SH3GLB1: variants seen among roughly 807,000 people sequenced by gnomAD.
The protein encoded by SH3GLB1 is endophilin-B1.
In SH3GLB1, 17 loss-of-function variants were observed where a neutral mutation model predicts 42.0. That is an observed-to-expected ratio of 0.40 (90% confidence interval 0.28 to 0.61). The LOEUF (loss-of-function observed/expected upper bound fraction) is 0.61, where lower values mean the gene tolerates loss of function less well. Among genes scored for constraint, SH3GLB1 ranks in the 20% least tolerant of loss-of-function variants. The probability of loss-of-function intolerance (pLI) is 0.36; values close to 1 mark genes in which losing one functional copy is unlikely to be tolerated. For missense variants in SH3GLB1, 355 were observed against 426.3 expected (o/e 0.83, Z 1.47); for synonymous variants, 132 against 146.6 (o/e 0.90, Z 0.72).
At chr1:86,707,082 A>G (rs1190091132) in intron 1 of SH3GLB1, among the ~76,000 whole-genome samples, 4 of 152,234 alleles carry the variant, frequency 2.6e-5, no homozygotes, top group Non-Finnish European at 4.4e-5. Context: ...TGAAGCTTAC[A>G]TTGTAGCGGA....
At chr1:86,707,514 T>C (rs1428880731) in intron 1 of SH3GLB1, among the ~76,000 whole-genome samples, 2 of 152,208 alleles carry the variant, frequency 1.3e-5, no homozygotes, top group Non-Finnish European at 2.9e-5. Context: ...GGTTTTGGCT[T>C]GAGCCGTTTA....
chr1:86,718,088 G>A (rs1294311922), intron 2 of SH3GLB1, among the ~76,000 whole-genome samples: 2 of 150,240 alleles, frequency 1.3e-5, no homozygotes, highest in African/African-American at 4.9e-5. Context: ...CACCTGGGCT[G>A]GAGTGCAGTG....
At chr1:86,733,258 A>G (rs889629122) in intron 5 of SH3GLB1, among the ~76,000 whole-genome samples, 10 of 152,160 alleles carry the variant, frequency 6.6e-5, no homozygotes, top group African/African-American at 2.4e-4. Flanking sequence ...CTAGAGGTCA[A>G]TTATTAGTCC....
chr1:86,725,787 C>A (rs575003077), intron 5 of SH3GLB1, among the ~76,000 whole-genome samples: 1 of 152,080 alleles, frequency 6.6e-6, no homozygotes, highest in African/African-American at 2.4e-5. Flanking sequence ...TACGAGACTA[C>A]CCTAATACCT....
chr1:86,709,950 C>T (rs956876848), intron 1 of SH3GLB1, among the ~76,000 whole-genome samples: 3 of 152,204 alleles, frequency 2.0e-5, no homozygotes, highest in Non-Finnish European at 4.4e-5. Flanking sequence ...GGCCAAACAA[C>T]TCTCTCAAGC....
Position 86,747,295 on chromosome 1 carries a change from T to A in SH3GLB1, c.*4060T>A, listed in dbSNP as rs188996159. The A allele has an allele frequency of 1.3e-5, 2 of 152,716 alleles. No individual in the cohort carries two copies. The highest frequency in any genetic ancestry group is 1.3e-4 in the Admixed American group (2 of 15,300). The allele number at this position is 152,716 out of a possible 1,614,324, so 9.5% of individuals were successfully genotyped here. ...AAATTTTTGTTGAATGAAAGAAAAA[T>A]GCAAATTTATAAGCCTTTTCAGAGA... On this transcript the variant is annotated 3_prime_UTR_variant, in exon 9 of 9. Coordinates refer to ENST00000370558, the MANE Select transcript of SH3GLB1 (RefSeq NM_016009.5).
intron 1 of SH3GLB1, among the ~76,000 whole-genome samples, chr1:86,713,733 C>T (rs975673167): frequency 6.6e-6 from 1 of 152,192 alleles, no homozygotes; most frequent in African/African-American, 2.4e-5. Flanking sequence ...CTCCTGCTCT[C>T]CCTCTTCCTC....
chr1:86,733,057 T>G (rs753049592), intron 5 of SH3GLB1, among the ~76,000 whole-genome samples: 8 of 152,182 alleles, frequency 5.3e-5, no homozygotes, highest in African/African-American at 1.4e-4. Flanking sequence ...GTGATTGGTT[T>G]TCCTTAGTGC....
chr1:86,729,993 T>G (rs1278368064), intron 5 of SH3GLB1: 2 of 1,235,760 alleles, frequency 1.6e-6, no homozygotes, highest in Non-Finnish European at 2.3e-6. Flanking sequence ...AGTATGCCAT[T>G]TAAACAAATA....
At chr1:86,705,409 GT>G (rs752407934) in intron 1 of SH3GLB1, among the ~76,000 whole-genome samples, 98 of 152,230 alleles carry the variant, frequency 6.4e-4, no homozygotes, top group Non-Finnish European at 5.7e-4. Context: ...CAAGAAGGGA[GT>G]TTCCTTTTCC....
chr1:86,705,099 G>A (rs72959592), intron 1 of SH3GLB1, 128 bp downstream of exon 1: 8,499 of 594,374 alleles, frequency 0.014, 138 homozygotes, highest in African/African-American at 0.034. Flanking sequence ...AGAGGCCTGG[G>A]AGATGGGCGC....
At chr1:86,719,093 G>A (rs1444896256) in intron 2 of SH3GLB1, among the ~76,000 whole-genome samples, 1 of 152,154 alleles carries the variant, frequency 6.6e-6, no homozygotes, top group Non-Finnish European at 1.5e-5. Flanking sequence ...GTTCTTCCAG[G>A]TACTTTATAT....
intron 1 of SH3GLB1, among the ~76,000 whole-genome samples, chr1:86,712,520 C>G (rs899847208): frequency 1.3e-5 from 2 of 152,142 alleles, no homozygotes; most frequent in Non-Finnish European, 2.9e-5. Flanking sequence ...ATTATTCTTA[C>G]TTTATTTTAA....
At chr1:86,719,406 A>G in intron 2 of SH3GLB1, 101 bp from the exon 3 acceptor site, 2 of 898,878 alleles carry the variant, frequency 2.2e-6, no homozygotes, top group East Asian at 2.9e-5. Flanking sequence ...AATGAATGCT[A>G]ACTTTAGGAG....
At chr1:86,722,497 G>T (rs989444916) in intron 3 of SH3GLB1, 43 bp from the exon 4 acceptor site, 2 of 1,521,326 alleles carry the variant, frequency 1.3e-6, no homozygotes, top group Non-Finnish European at 1.8e-6. Context: ...TTATTTTCTG[G>T]TATTACCAGA....
At chr1:86,713,235 A>G (rs940022303) in intron 1 of SH3GLB1, among the ~76,000 whole-genome samples, 1 of 152,102 alleles carries the variant, frequency 6.6e-6, no homozygotes, top group Non-Finnish European at 1.5e-5. Flanking sequence ...GTGCACCACC[A>G]TACCTGGCTA....
intron 7 of SH3GLB1, among the ~76,000 whole-genome samples, chr1:86,740,150 C>CAAAAAAA (rs35758882): frequency 0.015 from 2,179 of 141,498 alleles, 69 homozygotes; most frequent in African/African-American, 0.052. Flanking sequence ...ACTCCTGTAT[C>CAAAAAAA]AAAAAAAAAA....
intron 5 of SH3GLB1, among the ~76,000 whole-genome samples, chr1:86,731,588 G>A (rs1655512818): frequency 6.6e-6 from 1 of 152,062 alleles, no homozygotes; most frequent in South Asian, 2.1e-4. Context: ...CTTCCTCTTT[G>A]GCATAAAGAT....
At chr1:86,736,196 G>GCCAT (rs1655768993) in intron 7 of SH3GLB1, among the ~76,000 whole-genome samples, 1 of 152,134 alleles carries the variant, frequency 6.6e-6, no homozygotes, top group Non-Finnish European at 1.5e-5. Flanking sequence ...GGCTTTTAAA[G>GCCAT]TAAGTTGTTG....
Sources: gnomAD v4.1 joint callset for allele counts (sites outside exome capture counted in the v4.1 genomes callset) on GRCh38, gnomAD v4.1.1 for gene constraint, MANE v1.5 for transcripts, NCBI Gene and HGNC (gene_info 2026-07-23, HGNC 2026-07-21) for gene names.